Variants in SGCD observed in about 807,000 individuals in gnomAD.
SGCD encodes the protein sarcoglycan delta, also known as delta-sarcoglycan.
A neutral mutation model predicts 36.6 loss-of-function variants in SGCD; 18 were observed. The ratio of observed to expected loss-of-function variants is 0.49; its 90% CI spans 0.34 to 0.73. SGCD has a LOEUF of 0.73. Among genes scored for constraint, SGCD ranks in the 30% least tolerant of loss-of-function variants. SGCD has a pLI of 0.01. For synonymous variants in SGCD, 133 were observed against 130.6 expected (o/e 1.02, Z -0.12); for missense variants, 387 against 346.7 (o/e 1.12, Z -0.92).
At chr5:155,751,600 G>A in the SGCD span, among the ~76,000 whole-genome samples, 1 of 151,768 alleles carries the variant, frequency 6.6e-6, no homozygotes, top group African/African-American at 2.4e-5. Flanking sequence ...TGTTGCCTAG[G>A]CTAGTCTCAA....
intron 3 of SGCD, among the ~76,000 whole-genome samples, chr5:156,403,580 C>T (rs185078597): frequency 6.6e-6 from 1 of 152,280 alleles, no homozygotes. Context: ...CGGACGTTCA[C>T]TAGGCTGCAA....
chr5:156,185,212 C>CTTT (rs755578762), intron 3 of SGCD, among the ~76,000 whole-genome samples: 6 of 113,232 alleles, frequency 5.3e-5, no homozygotes, highest in African/African-American at 1.0e-4. Context: ...CTTTAATTTT[C>CTTT]TTTTTTTTTT....
chr5:155,991,369 T>C (rs1758429107), intron 1 of SGCD, among the ~76,000 whole-genome samples: 1 of 152,122 alleles, frequency 6.6e-6, no homozygotes, highest in South Asian at 2.1e-4. Flanking sequence ...TGGGTTAGTA[T>C]CTCAAGTACC....
intron 1 of SGCD, among the ~76,000 whole-genome samples, chr5:156,075,718 A>G (rs944294423): frequency 1.3e-5 from 2 of 152,198 alleles, no homozygotes; most frequent in Admixed American, 1.3e-4. Flanking sequence ...TGATAACGAT[A>G]GGTATTCTGG....
At chr5:156,257,591 C>T (rs886193022) in intron 3 of SGCD, among the ~76,000 whole-genome samples, 3 of 152,026 alleles carry the variant, frequency 2.0e-5, no homozygotes, top group East Asian at 3.9e-4. Flanking sequence ...GGGTCGGGCG[C>T]GGTGGCTCAT....
At chr5:156,164,484 A>ATC (rs1308453659) in intron 3 of SGCD, among the ~76,000 whole-genome samples, 10 of 152,128 alleles carry the variant, frequency 6.6e-5, no homozygotes, top group Non-Finnish European at 1.3e-4. Context: ...TGGTGTCAGC[A>ATC]TCATTGCTTT....
rs1438640367 is a variant in SGCD at position 156,760,690 on chromosome 5, C to T, written c.*1300C>T. 6.5e-6 allele frequency: 1 copy of T among 152,770 alleles called. No homozygotes were observed. The highest frequency in any genetic ancestry group is 1.9e-4 in the East Asian group (1 of 5,184). The allele number at this position is 152,770 out of a possible 1,614,324, so 9.5% of individuals were successfully genotyped here. ...CTCATTCCCGCCATCAGCTACCTCT[C>T]ATCACCCCACCTTCATCATCATGCT... is the stretch of plus-strand genomic sequence containing the variant. On this transcript the variant is annotated 3_prime_UTR_variant, in exon 9 of 9. Coordinates refer to ENST00000337851, the MANE Select transcript of SGCD (RefSeq NM_000337.6).
chr5:155,912,066 G>T (rs140874400), intron 1 of SGCD, among the ~76,000 whole-genome samples: 2 of 151,920 alleles, frequency 1.3e-5, no homozygotes, highest in Admixed American at 6.6e-5. Flanking sequence ...TGGAAAAGAT[G>T]GTCAGTGATG....
At chr5:156,462,928 C>A (rs1400166090) in intron 3 of SGCD, among the ~76,000 whole-genome samples, 3 of 152,084 alleles carry the variant, frequency 2.0e-5, no homozygotes, top group East Asian at 3.9e-4. Flanking sequence ...GAATAATAGA[C>A]AATTATAATT....
chr5:155,977,483 G>A (rs904271540), intron 1 of SGCD, among the ~76,000 whole-genome samples: 3 of 152,082 alleles, frequency 2.0e-5, no homozygotes, highest in African/African-American at 7.2e-5. Flanking sequence ...TGCCTGACAT[G>A]GAATGGTGTT....
intron 2 of SGCD, among the ~76,000 whole-genome samples, chr5:156,333,178 A>G (rs1220037907): frequency 1.3e-5 from 2 of 152,196 alleles, no homozygotes; most frequent in South Asian, 4.1e-4. Context: ...GCCAAACACA[A>G]TTGTCAAGGG....
At chr5:156,264,820 T>C (rs1285256266) in intron 3 of SGCD, among the ~76,000 whole-genome samples, 1 of 152,094 alleles carries the variant, frequency 6.6e-6, no homozygotes, top group Admixed American at 6.6e-5. Flanking sequence ...GTTCACTGCT[T>C]TTTTCCCCAG....
intron 6 of SGCD, among the ~76,000 whole-genome samples, chr5:156,607,969 T>C (rs1356285801): frequency 1.3e-5 from 2 of 152,210 alleles, no homozygotes; most frequent in South Asian, 4.1e-4. Context: ...GGTCTATCAA[T>C]TTTGTTGATC....
chr5:156,546,797 C>T lies in SGCD; in HGVS notation c.294+38095C>T, dbSNP rs150779522. 4.5e-3 allele frequency among the ~76,000 whole-genome samples: 688 copies of T among 152,096 alleles called. 4 individuals are homozygous for T. The highest frequency in any genetic ancestry group is 0.014 in the African/African-American group (573 of 41,480). On this transcript the variant is annotated intron_variant, in intron 4 of 8. Transcript: ENST00000337851. ...TATATCTTGACTTGTTACAGTGAAC[C>T]CTGGCAGCTATCATAAGTATTTAAG...
At chr5:156,026,027 C>G (rs1759219589) in intron 1 of SGCD, among the ~76,000 whole-genome samples, 2 of 152,178 alleles carry the variant, frequency 1.3e-5, no homozygotes. Flanking sequence ...AATGGTGGCT[C>G]TAGTCAGCTA....
rs939609538 is a variant in SGCD, at chr5:156,061,515, G to T, written c.-281-56363G>T. 8.2e-5 allele frequency among the ~76,000 whole-genome samples: 12 copies of T among 145,986 alleles called. 3 individuals carry two copies. The highest frequency in any genetic ancestry group is 1.9e-4 in the Non-Finnish European group (12 of 64,768). On this transcript the variant is annotated intron_variant, in intron 1 of 9. Transcript: ENST00000517913. ...ACTTAGCTTGGGTTTCTTCCTTAAA[G>T]GATGGGAGGAAAATATTTAAAAACA...
intron 3 of SGCD, among the ~76,000 whole-genome samples, chr5:156,133,368 C>G (rs920330955): frequency 6.6e-6 from 1 of 152,180 alleles, no homozygotes. Context: ...AATGTCTTAT[C>G]TGAAATATAA....
At chr5:155,763,602 A>G in the SGCD span, among the ~76,000 whole-genome samples, 1 of 152,184 alleles carries the variant, frequency 6.6e-6, no homozygotes, top group Non-Finnish European at 1.5e-5. Flanking sequence ...TAGACAATAG[A>G]AAAAACTAAA....
At chr5:155,878,640 G>A (rs1302088402) in intron 1 of SGCD, among the ~76,000 whole-genome samples, 1 of 152,106 alleles carries the variant, frequency 6.6e-6, no homozygotes, top group African/African-American at 2.4e-5. Flanking sequence ...ACCCAAAGGA[G>A]GTTGGACAAA....
Sources: allele counts gnomAD v4.1 joint callset (sites outside exome capture counted in the v4.1 genomes callset), GRCh38; gene constraint gnomAD v4.1.1; transcripts MANE v1.5; gene names NCBI Gene and HGNC (gene_info 2026-07-23, HGNC 2026-07-21).